Variants in EYA1 observed in about 807,000 individuals in gnomAD.
EYA1 encodes the protein protein phosphatase EYA1.
In EYA1, 16 loss-of-function variants were observed where a neutral mutation model predicts 82.0. The observed-to-expected ratio is 0.20, with a 90% CI of 0.13 to 0.30. The LOEUF (loss-of-function observed/expected upper bound fraction) is 0.30, where lower values mean the gene tolerates loss of function less well. EYA1 is among the 10% of genes least tolerant of loss of function. The pLI is 1.00. For missense variants in EYA1, 633 were observed against 730.7 expected, an observed-to-expected ratio of 0.87 and a Z score of 1.54; for synonymous variants, 261 against 264.4, an observed-to-expected ratio of 0.99 and a Z score of 0.12.
chr8:71,377,292 G>A (rs950759978), intron 2 of EYA1, among the ~76,000 whole-genome samples: 22 of 152,150 alleles, frequency 1.4e-4, no homozygotes, highest in Non-Finnish European at 3.2e-4. Context: ...TACCAGATAT[G>A]AAAGTGAAGC....
In EYA1 at chr8:71,354,894, C is replaced by T. The variant is rs1403900158; in HGVS notation, c.12G>A (p.Gln4=). 1.2e-6 allele frequency: 2 copies of T among 1,613,286 alleles called. No individual in the cohort carries two copies. Among genetic ancestry groups the T allele is most frequent in the African/African-American group, 1.3e-5 (1 of 74,900 alleles). Residue 4 remains glutamine (Q), a synonymous_variant, in exon 3 of 18, where the codon CAG becomes CAA. Coordinates refer to ENST00000340726, the MANE Select transcript of EYA1 (RefSeq NM_000503.6). ...GACGGCTATGCGGGCTGGTTAGATCCTGCATTTCCATAGACCTAAAGACAA... is the reference window on the plus strand; with the variant it reads ...GACGGCTATGCGGGCTGGTTAGATCTTGCATTTCCATAGACCTAAAGACAA... MEM[Q]DLTSPHSRLS...
chr8:71,205,828 G>A (rs1344942778), intron 17 of EYA1, among the ~76,000 whole-genome samples: 1 of 152,104 alleles, frequency 6.6e-6, no homozygotes, highest in Non-Finnish European at 1.5e-5. Flanking sequence ...TCTCTACAAG[G>A]GAAAGAAGAG....
intron 2 of EYA1, among the ~76,000 whole-genome samples, chr8:71,471,962 T>A (rs1471317651): frequency 6.6e-6 from 1 of 152,048 alleles, no homozygotes; most frequent in African/African-American, 2.4e-5. Context: ...GGCTTGTCAG[T>A]CTCTTCCAAA....
At chr8:71,324,270 G>C (rs962740527) in intron 4 of EYA1, among the ~76,000 whole-genome samples, 13 of 152,188 alleles carry the variant, frequency 8.5e-5, no homozygotes, top group African/African-American at 2.9e-4. Flanking sequence ...CTTTGATTTA[G>C]AGGATATGCA....
chr8:71,395,557 T>G (rs1829547753), intron 2 of EYA1, among the ~76,000 whole-genome samples: 1 of 152,178 alleles, frequency 6.6e-6, no homozygotes, highest in Non-Finnish European at 1.5e-5. Context: ...AATCATGTGG[T>G]TTTTGTCTTT....
intron 2 of EYA1, among the ~76,000 whole-genome samples, chr8:71,505,991 C>A (rs143641677): frequency 6.6e-6 from 1 of 152,320 alleles, no homozygotes; most frequent in East Asian, 1.9e-4. Flanking sequence ...CACTCATACT[C>A]TCTCCTGCTG....
At chr8:71,275,754 T>C (rs1187175739) in intron 9 of EYA1, among the ~76,000 whole-genome samples, 1 of 152,152 alleles carries the variant, frequency 6.6e-6, no homozygotes, top group Non-Finnish European at 1.5e-5. Context: ...ATAATACAGA[T>C]TCAAGGAGGC....
At chr8:71,373,613 T>TGTAA (rs1828204507) in intron 2 of EYA1, among the ~76,000 whole-genome samples, 4 of 152,114 alleles carry the variant, frequency 2.6e-5, no homozygotes, top group Non-Finnish European at 5.9e-5. Context: ...GTAATGGCAT[T>TGTAA]TTCTCCAGAA....
chr8:71,341,363 G>A (rs963854730), intron 3 of EYA1, among the ~76,000 whole-genome samples: 1 of 152,148 alleles, frequency 6.6e-6, no homozygotes, highest in Non-Finnish European at 1.5e-5. Context: ...CAGATTTCAT[G>A]AGTCTCTTTC....
intron 2 of EYA1, among the ~76,000 whole-genome samples, chr8:71,387,638 CACAGTGTGG>C: frequency 6.6e-6 from 1 of 152,178 alleles, no homozygotes; most frequent in South Asian, 2.1e-4. Flanking sequence ...AACTTCAGGT[CACAGTGTGG>C]ACAGTGGTAG....
chr8:71,345,773 GC>G (rs1563505754), intron 3 of EYA1, among the ~76,000 whole-genome samples: 1 of 152,048 alleles, frequency 6.6e-6, no homozygotes, highest in East Asian at 1.9e-4. Flanking sequence ...CCTTCTTAGT[GC>G]CCACTACCCC....
chr8:71,538,951 C>T (rs1814929252), intron 1 of EYA1, among the ~76,000 whole-genome samples: 1 of 152,084 alleles, frequency 6.6e-6, no homozygotes, highest in Non-Finnish European at 1.5e-5. Flanking sequence ...TGTGCATCTA[C>T]CCTAAATGGC....
intron 9 of EYA1, among the ~76,000 whole-genome samples, chr8:71,294,376 G>A (rs1041002701): frequency 1.3e-5 from 2 of 152,026 alleles, no homozygotes; most frequent in South Asian, 2.1e-4. Context: ...GGAGAATGGC[G>A]TGAACCCCGG....
intron 2 of EYA1, among the ~76,000 whole-genome samples, chr8:71,369,805 C>A (rs1367790141): frequency 6.6e-6 from 1 of 152,056 alleles, no homozygotes; most frequent in Non-Finnish European, 1.5e-5. Context: ...CTTTCATTTT[C>A]TTTTTTCTTA....
chr8:71,465,251 T>C (rs1808689117), intron 2 of EYA1, among the ~76,000 whole-genome samples: 1 of 152,098 alleles, frequency 6.6e-6, no homozygotes, highest in African/African-American at 2.4e-5. Context: ...AATATTAAGG[T>C]AAACAAATAG....
At chr8:71,381,278 C>A (rs1449047123) in intron 2 of EYA1, among the ~76,000 whole-genome samples, 4 of 151,972 alleles carry the variant, frequency 2.6e-5, no homozygotes, top group Admixed American at 6.6e-5. Context: ...TAGTTAGACA[C>A]AAAATTAAAA....
intron 2 of EYA1, among the ~76,000 whole-genome samples, chr8:71,532,385 C>T (rs959660607): frequency 6.6e-6 from 1 of 152,206 alleles, no homozygotes; most frequent in African/African-American, 2.4e-5. Flanking sequence ...CAGCCTCCTC[C>T]TCAGCCCAGA....
intron 2 of EYA1, among the ~76,000 whole-genome samples, chr8:71,367,619 A>G (rs1182577960): frequency 6.6e-6 from 1 of 152,040 alleles, no homozygotes; most frequent in Non-Finnish European, 1.5e-5. Context: ...TCAAAGGATC[A>G]GTAACTTAAT....
At chr8:71,412,289 T>G in intron 2 of EYA1, among the ~76,000 whole-genome samples, 2 of 141,860 alleles carry the variant, frequency 1.4e-5, no homozygotes, top group Non-Finnish European at 3.1e-5. Context: ...AGATGACGAG[T>G]TAGTGGGTGC....
Sources: allele counts gnomAD v4.1 joint callset (sites outside exome capture counted in the v4.1 genomes callset), GRCh38; gene constraint gnomAD v4.1.1; transcripts MANE v1.5; gene names NCBI Gene and HGNC (gene_info 2026-07-23, HGNC 2026-07-21).